Variants in COA1 observed in about 807,000 individuals in gnomAD.
The protein encoded by COA1 is cytochrome c oxidase assembly factor 1 homolog.
In COA1, 13 loss-of-function variants were observed where a neutral mutation model predicts 16.0. The ratio of observed to expected loss-of-function variants is 0.81; its 90% CI spans 0.53 to 1.29. The LOEUF is 1.29. Ranked by LOEUF, COA1 falls within the 50% of genes most tolerant of loss-of-function variation. The pLI, the probability that COA1 is intolerant of heterozygous loss-of-function variation, is 0.00. For synonymous variants in COA1, 65 were observed against 65.7 expected, an observed-to-expected ratio of 0.99 and a Z score of 0.05; for missense variants, 179 against 177.0, an observed-to-expected ratio of 1.01 and a Z score of -0.06.
At chr7:43,727,054 A>G (rs373247332) in intron 1 of COA1, among the ~76,000 whole-genome samples, 88 of 152,338 alleles carry the variant, frequency 5.8e-4, no homozygotes, top group African/African-American at 2.0e-3. Context: ...TGGACATACT[A>G]ATTACCTGAT....
intron 1 of COA1, among the ~76,000 whole-genome samples, chr7:43,691,054 C>CAAAAA (rs1173049196): frequency 7.5e-4 from 30 of 39,956 alleles, no homozygotes; most frequent in Non-Finnish European, 8.5e-4. Context: ...CTCATCACTA[C>CAAAAA]AAAAAAAAAA....
intron 6 of COA1, among the ~76,000 whole-genome samples, chr7:43,614,706 C>G (rs192633802): frequency 6.6e-6 from 1 of 152,118 alleles, no homozygotes; most frequent in Non-Finnish European, 1.5e-5. Flanking sequence ...TTCTAGCAAC[C>G]TCTCTCTCAG....
At chr7:43,680,958 G>A (rs1032849264) in intron 1 of COA1, among the ~76,000 whole-genome samples, 1 of 152,200 alleles carries the variant, frequency 6.6e-6, no homozygotes, top group Non-Finnish European at 1.5e-5. Context: ...GCAATATAGT[G>A]AGACCCTGTC....
intron 1 of COA1, among the ~76,000 whole-genome samples, chr7:43,667,891 G>C (rs2092989917): frequency 6.6e-6 from 1 of 152,162 alleles, no homozygotes; most frequent in Non-Finnish European, 1.5e-5. Context: ...AATAAGGTAT[G>C]CTCCTGTGAA....
At chr7:43,684,716 T>G (rs1432258663) in intron 1 of COA1, among the ~76,000 whole-genome samples, 3 of 152,140 alleles carry the variant, frequency 2.0e-5, no homozygotes, top group Non-Finnish European at 1.5e-5. Context: ...TCACAGTGCA[T>G]GCTCTTAACT....
intron 6 of COA1, chr7:43,623,388 CAAGTT>C: frequency 1.8e-6 from 1 of 568,760 alleles, no homozygotes; most frequent in African/African-American, 1.9e-5. Flanking sequence ...GAAAAGTAAA[CAAGTT>C]AATTACAAAC....
chr7:43,691,584 A>C (rs530282272), intron 1 of COA1, among the ~76,000 whole-genome samples: 100 of 152,288 alleles, frequency 6.6e-4, no homozygotes, highest in South Asian at 1.2e-3. Context: ...TCTGCTGAGG[A>C]GACAAACTCT....
chr7:43,701,188 AATG>A (rs3061980), intron 1 of COA1, among the ~76,000 whole-genome samples: 65,505 of 151,596 alleles, frequency 0.43, 14,567 homozygotes, highest in African/African-American at 0.55. Context: ...TTGGTGAACA[AATG>A]ATTTCATTTC....
rs564567865 is a variant in COA1 at position 43,701,572 on chromosome 7, T to C, written c.-39+27857A>G. ...ATTGTGAATAGTGCTGCAATAAATGTACAAATGTATGTGTCTTCTTGGTAG... is the reference window on the plus strand; with the variant it reads ...ATTGTGAATAGTGCTGCAATAAATGCACAAATGTATGTGTCTTCTTGGTAG... On this transcript the variant is annotated intron_variant, in intron 1 of 5. Transcript: ENST00000223336. Among the ~76,000 whole-genome samples the C allele has an allele frequency of 2.6e-5, 4 of 152,364 alleles. No individual in the cohort carries two copies. In the East Asian group the frequency reaches 7.7e-4, roughly 29 times the overall value.
intron 1 of COA1, among the ~76,000 whole-genome samples, chr7:43,721,863 T>TA (rs1227805653): frequency 6.6e-6 from 1 of 151,854 alleles, no homozygotes; most frequent in Non-Finnish European, 1.5e-5. Flanking sequence ...AGTATTCACA[T>TA]AAATTTCAAA....
At chr7:43,729,097 CA>C (rs1304526334) in intron 1 of COA1, among the ~76,000 whole-genome samples, 2 of 152,350 alleles carry the variant, frequency 1.3e-5, no homozygotes, top group South Asian at 4.1e-4. Context: ...GCACTACCAA[CA>C]AAAGTGCCCA....
At chr7:43,722,038 G>A (rs2095516168) in intron 1 of COA1, among the ~76,000 whole-genome samples, 1 of 151,690 alleles carries the variant, frequency 6.6e-6, no homozygotes, top group Non-Finnish European at 1.5e-5. Flanking sequence ...ACATTTCAAT[G>A]AGAGGAACAA....
chr7:43,632,883 A>G (rs1563192384), intron 6 of COA1: 1 of 152,188 alleles, frequency 6.6e-6, no homozygotes, highest in Non-Finnish European at 1.5e-5. Flanking sequence ...TCTGAGCACT[A>G]GGTCTCAACA....
chr7:43,717,144 G>T (rs541730338), intron 1 of COA1, among the ~76,000 whole-genome samples: 1 of 152,148 alleles, frequency 6.6e-6, no homozygotes, highest in Non-Finnish European at 1.5e-5. Flanking sequence ...TCCCTACTGG[G>T]GCACTACCTA....
intron 1 of COA1, among the ~76,000 whole-genome samples, chr7:43,724,280 C>G (rs775591536): frequency 1.3e-5 from 2 of 151,526 alleles, no homozygotes; most frequent in South Asian, 2.1e-4. Context: ...CAGCCAGGCG[C>G]GGTGGCTCAC....
intron 1 of COA1, among the ~76,000 whole-genome samples, chr7:43,715,894 G>C (rs1048526760): frequency 1.3e-5 from 2 of 152,140 alleles, no homozygotes; most frequent in African/African-American, 4.8e-5. Flanking sequence ...GCAGTTTTCC[G>C]ATAGTGAATA....
intron 4 of COA1, among the ~76,000 whole-genome samples, chr7:43,642,474 A>G (rs2087434263): frequency 6.6e-6 from 1 of 152,062 alleles, no homozygotes; most frequent in Non-Finnish European, 1.5e-5. Context: ...AAAAAGAACA[A>G]ATTTTCAGGG....
intron 1 of COA1, among the ~76,000 whole-genome samples, chr7:43,713,460 G>T (rs1241915811): frequency 6.6e-6 from 1 of 151,988 alleles, no homozygotes; most frequent in African/African-American, 2.4e-5. Context: ...GTACTCATTT[G>T]AACGACCTCT....
chr7:43,629,889 C>T (rs1368749840), intron 6 of COA1, among the ~76,000 whole-genome samples: 2 of 152,176 alleles, frequency 1.3e-5, no homozygotes, highest in African/African-American at 2.4e-5. Flanking sequence ...CCCATTTTAA[C>T]GTCCAAAGTA....
Sources: allele counts gnomAD v4.1 joint callset (sites outside exome capture counted in the v4.1 genomes callset), GRCh38; gene constraint gnomAD v4.1.1; transcripts MANE v1.5; gene names NCBI Gene and HGNC (gene_info 2026-07-23, HGNC 2026-07-21).